RPS6KA6: variants seen among roughly 807,000 people sequenced by gnomAD.
RPS6KA6 encodes the protein ribosomal protein S6 kinase alpha-6.
A neutral mutation model predicts 65.4 loss-of-function variants in RPS6KA6; 27 were observed. The ratio of observed to expected loss-of-function variants is 0.41; its 90% CI spans 0.30 to 0.57. The LOEUF (loss-of-function observed/expected upper bound fraction) is 0.57. Ranked by LOEUF, RPS6KA6 falls within the 20% of genes least tolerant of loss-of-function variation. RPS6KA6 has a pLI of 0.24. For synonymous variants in RPS6KA6, 190 were observed against 184.2 expected (o/e 1.03, Z -0.26); for missense variants, 486 against 555.6 (o/e 0.87, Z 1.26).
At chrX:84,128,888 C>G (rs2034843613) in intron 8 of RPS6KA6, among the ~76,000 whole-genome samples, 2 of 111,848 alleles carry the variant, frequency 1.8e-5, no homozygotes, top group South Asian at 7.3e-4. Context: ...AACAATAAAA[C>G]TACTACAAGA....
chrX:84,104,498 C>T lies in RPS6KA6; in HGVS notation c.1614+1G>A. 1 of 1,124,768 alleles carries T rather than the reference C, an allele frequency of 8.9e-7. No homozygotes were observed. The highest frequency in any genetic ancestry group is 1.2e-6 in the Non-Finnish European group (1 of 849,424). 92.7% of individuals were successfully genotyped at this position (1,124,768 alleles called of 1,213,427 possible). Reference sequence around the variant, plus strand: ...AAAGAAAAAAGTTAACTACAACTTACTCCTTGACAATGAAGATAGTCAACT... The same window carrying T: ...AAAGAAAAAAGTTAACTACAACTTATTCCTTGACAATGAAGATAGTCAACT... On this transcript the variant is annotated splice_donor_variant, in intron 17 of 21. Transcript: ENST00000262752. LOFTEE classifies it high-confidence loss of function.
At chrX:84,138,801 T>TTGTGTG (rs3077407) in intron 6 of RPS6KA6, among the ~76,000 whole-genome samples, 15 of 99,227 alleles carry the variant, frequency 1.5e-4, no homozygotes, top group African/African-American at 5.6e-4. Context: ...ACCTGTGTAT[T>TTGTGTG]TGTGTGTGTG....
At chrX:84,184,829 C>CAAAAAAAA (rs11445430) in intron 1 of RPS6KA6, among the ~76,000 whole-genome samples, 4 of 20,012 alleles carry the variant, frequency 2.0e-4, no homozygotes, top group Non-Finnish European at 2.5e-4. Flanking sequence ...GACCCTGACT[C>CAAAAAAAA]AAAAAAAAAA....
At chrX:84,106,616 C>A in intron 14 of RPS6KA6, 129 bp from the exon 15 acceptor site, 1 of 526,344 alleles carries the variant, frequency 1.9e-6, no homozygotes. Context: ...GTTTTATCGA[C>A]ATTTATAAAT....
intron 6 of RPS6KA6, among the ~76,000 whole-genome samples, chrX:84,143,237 G>T (rs185999105): frequency 5.5e-4 from 61 of 110,890 alleles, no homozygotes; most frequent in African/African-American, 1.6e-3. Flanking sequence ...TGAAGAAAAA[G>T]CATTTGAATA....
rs779906121 is a variant in RPS6KA6 at position 84,071,189 on chromosome X, C to CAG, written c.1972-6080_1972-6079dup. 5.6e-3 allele frequency among the ~76,000 whole-genome samples: 623 copies of CAG among 110,637 alleles called. 3 individuals are homozygous for CAG. The highest frequency in any genetic ancestry group is 0.019 in the African/African-American group (573 of 30,420). On this transcript the variant is annotated intron_variant, in intron 20 of 21. Transcript: ENST00000262752. ...CAGGGTATGAGAGGGGTGTGAGGAG[C>CAG]AGAGAGAGAGAATTACAAGGCTCTA...
At chrX:84,082,331 G>C (rs967561970) in intron 20 of RPS6KA6, among the ~76,000 whole-genome samples, 2 of 111,252 alleles carry the variant, frequency 1.8e-5, no homozygotes, top group African/African-American at 6.5e-5. Context: ...AATAATGGGG[G>C]AACTCCTATT....
At chrX:84,117,635 C>T (rs2034593886) in intron 9 of RPS6KA6, among the ~76,000 whole-genome samples, 181 bp from the exon 10 acceptor site, 1 of 110,697 alleles carries the variant, frequency 9.0e-6, no homozygotes, top group Non-Finnish European at 1.9e-5. Context: ...GTATCCCACT[C>T]TCTCTCTCTA....
intron 12 of RPS6KA6, among the ~76,000 whole-genome samples, chrX:84,108,805 T>C (rs749456715): frequency 9.0e-6 from 1 of 111,578 alleles, no homozygotes; most frequent in African/African-American, 3.3e-5. Flanking sequence ...GGGAGGCTGG[T>C]ACTTGTGCAC....
chrX:84,136,653 A>C (rs1456468262), intron 6 of RPS6KA6, among the ~76,000 whole-genome samples: 1 of 111,658 alleles, frequency 9.0e-6, no homozygotes, highest in Non-Finnish European at 1.9e-5. Flanking sequence ...ATTAGAAAAA[A>C]ACTTTGCCTA....
At chrX:84,104,042 C>T (rs1008102452) in intron 17 of RPS6KA6, among the ~76,000 whole-genome samples, 7 of 110,456 alleles carry the variant, frequency 6.3e-5, no homozygotes, top group Non-Finnish European at 1.3e-4. Context: ...AAGCCTGCCC[C>T]TTCACCACAA....
intron 2 of RPS6KA6, among the ~76,000 whole-genome samples, chrX:84,161,567 A>C (rs2035512148): frequency 9.0e-6 from 1 of 111,699 alleles, no homozygotes; most frequent in Admixed American, 9.5e-5. Context: ...AGAGGAAAAA[A>C]AAATCCACCA....
chrX:84,125,903 C>A (rs1432709491), intron 8 of RPS6KA6, among the ~76,000 whole-genome samples: 1 of 110,508 alleles, frequency 9.0e-6, no homozygotes, highest in East Asian at 2.8e-4. Context: ...AATCACAGCA[C>A]CACAGAAAAT....
chrX:84,060,322 C>CTT lies in RPS6KA6; in HGVS notation c.*3954_*3955insAA, dbSNP rs2033283445. 1.1e-5 allele frequency: 1 copy of CTT among 93,311 alleles called. No individual in the cohort carries two copies. Among genetic ancestry groups the CTT allele is most frequent in the Non-Finnish European group, 2.1e-5 (1 of 48,619 alleles). 7.7% of individuals were successfully genotyped at this position (93,311 alleles called of 1,213,427 possible). On this transcript the variant is annotated 3_prime_UTR_variant, in exon 22 of 22. Coordinates refer to ENST00000262752, the MANE Select transcript of RPS6KA6 (RefSeq NM_014496.5). ...GCCAATATATACTTAATATGGCTTG[C>CTT]ATTTTTTTTTTTTTTTTTTTGAAAT...
At chrX:84,084,807 CCA>C (rs1219895336) in intron 20 of RPS6KA6, among the ~76,000 whole-genome samples, 2 of 112,033 alleles carry the variant, frequency 1.8e-5, no homozygotes, top group Non-Finnish European at 3.8e-5. Flanking sequence ...GTCAGTATGG[CCA>C]CTTTCATGAT....
rs1457122650 is a variant in RPS6KA6, at chrX:84,144,477, C to T, written c.501+1001G>A. Among the ~76,000 whole-genome samples, 5 of 111,049 alleles carry T rather than the reference C, an allele frequency of 4.5e-5. 1 individual carries two copies. In the East Asian group the frequency reaches 1.4e-3, roughly 31 times the overall value. On this transcript the variant is annotated intron_variant, in intron 6 of 21. Transcript: ENST00000262752. The stretch of plus-strand genomic sequence containing the variant: ...TGTAATTCAAAACCACAATGGGATA[C>T]CACTAAAAACTAATCTAATGTTCAA...
In RPS6KA6 at chrX:84,187,904, C is replaced by A. The variant is rs1371974665; in HGVS notation, c.-5G>T. 2.5e-6 allele frequency: 3 copies of A among 1,184,963 alleles called. No individual in the cohort carries two copies. Among genetic ancestry groups the A allele is most frequent in the Non-Finnish European group, 3.4e-6 (3 of 881,238 alleles). The stretch of plus-strand genomic sequence containing the variant: ...CTGAGGAGCGAATGGTAGCATCTCC[C>A]CTTCAGGAGCACTCAAACAGGAGCT... On this transcript the variant is annotated 5_prime_UTR_variant, in exon 1 of 22. Coordinates refer to ENST00000262752, the MANE Select transcript of RPS6KA6 (RefSeq NM_014496.5).
chrX:84,097,696 T>G (rs1012684410), intron 19 of RPS6KA6, 76 bp downstream of exon 19: 3 of 591,413 alleles, frequency 5.1e-6, no homozygotes, highest in Non-Finnish European at 8.2e-6. Context: ...TATTTTAATC[T>G]ATTCTCTTTC....
intron 18 of RPS6KA6, among the ~76,000 whole-genome samples, chrX:84,098,226 C>T (rs778738069): frequency 1.2e-3 from 138 of 111,209 alleles, no homozygotes; most frequent in Non-Finnish European, 2.3e-3. Context: ...TAGTAGAACA[C>T]GAAGTCTTAT....
Sources: gnomAD v4.1 joint callset for allele counts (sites outside exome capture counted in the v4.1 genomes callset) on GRCh38, gnomAD v4.1.1 for gene constraint, MANE v1.5 for transcripts, NCBI Gene and HGNC (gene_info 2026-07-23, HGNC 2026-07-21) for gene names.